C1orf87: variants seen among roughly 807,000 people sequenced by gnomAD.
The protein encoded by C1orf87 is chromosome 1 open reading frame 87.
C1orf87 carries 58 observed loss-of-function variants against 60.5 expected under a neutral mutation model. The observed-to-expected ratio is 0.96, with a 90% CI of 0.78 to 1.19. C1orf87 has a LOEUF of 1.19. Among genes scored for constraint, C1orf87 ranks in the 50% most tolerant of loss-of-function variants. The pLI is 0.00. For missense variants in C1orf87, 673 were observed against 638.6 expected, an observed-to-expected ratio of 1.05 and a Z score of -0.58; for synonymous variants, 236 against 227.4, an observed-to-expected ratio of 1.04 and a Z score of -0.34.
chr1:60,059,794 G>A lies in C1orf87; in HGVS notation c.108-4356C>T, dbSNP rs78024699. ...CTCAATGCCACCAATTTCCAACTGT[G>A]CGCCATCTAACAGGCCCTAAACCCT... is the stretch of plus-strand genomic sequence containing the variant. On this transcript the variant is annotated intron_variant, in intron 2 of 11. Transcript: ENST00000371201. 3.5e-4 allele frequency among the ~76,000 whole-genome samples: 54 copies of A among 152,274 alleles called. 3 individuals carry two copies. The East Asian group carries it at 0.01, about 28-fold the overall frequency.
At chr1:60,011,090 A>T (rs1414772230) in intron 8 of C1orf87, 1 of 151,984 alleles carries the variant, frequency 6.6e-6, no homozygotes, top group East Asian at 1.9e-4. Flanking sequence ...AAAAACATAG[A>T]AGGGGATAAA....
At chr1:60,010,632 T>C (rs528713614) in intron 8 of C1orf87, among the ~76,000 whole-genome samples, 176 bp from the exon 9 acceptor site, 1 of 152,080 alleles carries the variant, frequency 6.6e-6, no homozygotes, top group South Asian at 2.1e-4. Context: ...AAAAGGGCTT[T>C]GATATAGGGA....
intron 4 of C1orf87, among the ~76,000 whole-genome samples, chr1:60,040,755 ATTTTTTTT>A (rs34709077): frequency 2.3e-5 from 3 of 132,124 alleles, no homozygotes; most frequent in Non-Finnish European, 4.8e-5. Flanking sequence ...ACTGTCTTTA[ATTTTTTTT>A]TTTTTTTTTT....
intron 11 of C1orf87, among the ~76,000 whole-genome samples, chr1:59,995,580 A>G (rs906065504): frequency 6.6e-6 from 1 of 152,192 alleles, no homozygotes; most frequent in Non-Finnish European, 1.5e-5. Flanking sequence ...CAAACTCGGG[A>G]TGACCTGTCC....
rs554278264 is a variant in C1orf87, at chr1:60,033,799, C to G, written c.864-158G>C. ...TCTTGGGAACCTGGTCATGAGGCCG[C>G]ATGCAGACATTTCATAGCTTAACTC... On this transcript the variant is annotated intron_variant, in intron 6 of 11. Transcript: ENST00000371201. 4.6e-5 allele frequency among the ~76,000 whole-genome samples: 7 copies of G among 152,292 alleles called. 1 individual carries two copies. In the South Asian group the frequency reaches 8.3e-4, roughly 18 times the overall value.
Position 60,050,101 on chromosome 1 carries a change from T to A in C1orf87, c.342+5103A>T, listed in dbSNP as rs144510387. 1.2e-3 allele frequency among the ~76,000 whole-genome samples: 185 copies of A among 152,256 alleles called. 1 individual carries two copies. The highest frequency in any genetic ancestry group is 1.4e-3 in the Non-Finnish European group (96 of 67,950). On this transcript the variant is annotated intron_variant, in intron 3 of 11. Transcript: ENST00000371201. ...TTTCTTGACTATTCATGCTTGTTTG[T>A]TATTCCAAATTAACTTGCTAATCAA...
chr1:60,051,626 C>T (rs1645414864), intron 3 of C1orf87, among the ~76,000 whole-genome samples: 3 of 152,176 alleles, frequency 2.0e-5, no homozygotes, highest in Middle Eastern at 6.8e-3. Context: ...TGTTATAAAC[C>T]ACTGAGTTGT....
rs781327442 is a variant in C1orf87 at position 60,040,941 on chromosome 1, C to G, written c.483+50G>C. The stretch of plus-strand genomic sequence containing the variant: ...CCACATCAAGAAATTGAGTCAACAA[C>G]ACTCCTTCATCTACAATAGACACAA... On this transcript the variant is annotated intron_variant, in intron 4 of 11. Coordinates refer to ENST00000371201, the MANE Select transcript of C1orf87 (RefSeq NM_152377.3). 1.3e-5 allele frequency: 19 copies of G among 1,511,416 alleles called. No individual in the cohort carries two copies. The South Asian group carries it at 2.5e-4, about 20-fold the overall frequency. The allele number at this position is 1,511,416 out of a possible 1,614,324, so 93.6% of individuals were successfully genotyped here. A position where few individuals can be genotyped will look rare whatever the true frequency, so the allele number is the denominator to read the frequency against.
At chr1:60,044,011 G>A (rs376406939) in intron 3 of C1orf87, among the ~76,000 whole-genome samples, 57 of 152,250 alleles carry the variant, frequency 3.7e-4, no homozygotes, top group African/African-American at 1.3e-3. Context: ...ATCACAGGCT[G>A]AGTCTTTTTG....
In C1orf87 at chr1:59,998,994, A is replaced by G. The variant is rs760885964; in HGVS notation, c.1273-1178T>C. Among the ~76,000 whole-genome samples, 6 of 152,154 alleles carry G rather than the reference A, an allele frequency of 3.9e-5. 1 individual carries two copies. Among genetic ancestry groups the G allele is most frequent in the Non-Finnish European group, 8.8e-5 (6 of 68,028 alleles). On this transcript the variant is annotated intron_variant, in intron 10 of 11. Coordinates refer to ENST00000371201, the MANE Select transcript of C1orf87 (RefSeq NM_152377.3). ...AAATCTAAATATTCCTAATTAATTC[A>G]CCATAAAATTATGCCTCTAACTTTT...
intron 8 of C1orf87, 90 bp from the exon 9 acceptor site, chr1:60,010,546 T>C (rs1457988226): frequency 5.4e-6 from 6 of 1,107,566 alleles, no homozygotes; most frequent in South Asian, 1.3e-5. Context: ...GGTAGTGATA[T>C]TGAATAAGCT....
chr1:60,048,126 G>A (rs555170825), intron 3 of C1orf87, among the ~76,000 whole-genome samples: 2 of 152,240 alleles, frequency 1.3e-5, no homozygotes, highest in East Asian at 3.9e-4. Context: ...CGTCACTTCT[G>A]AGATTAGGTT....
rs536650110 is a variant in C1orf87, at chr1:60,051,695, C to G, written c.342+3509G>C. On this transcript the variant is annotated intron_variant, in intron 3 of 11. Coordinates refer to ENST00000371201, the MANE Select transcript of C1orf87 (RefSeq NM_152377.3). The stretch of plus-strand genomic sequence containing the variant: ...ATAGCTGACCAATACAGAGAGAGAG[C>G]TTTAAAGTCAGAAAAGTCAGTTTGA... 2.0e-5 allele frequency among the ~76,000 whole-genome samples: 3 copies of G among 152,228 alleles called. No homozygotes were observed. In the South Asian group the frequency reaches 6.2e-4, roughly 32 times the overall value.
At chr1:60,013,104 T>A (rs1354729615) in intron 8 of C1orf87, among the ~76,000 whole-genome samples, 1 of 152,176 alleles carries the variant, frequency 6.6e-6, no homozygotes, top group East Asian at 1.9e-4. Context: ...TTTGTTGGAA[T>A]GATGTGAATA....
At chr1:60,030,746 T>C (rs887929717) in intron 7 of C1orf87, among the ~76,000 whole-genome samples, 50 of 152,246 alleles carry the variant, frequency 3.3e-4, no homozygotes, top group Admixed American at 2.6e-4. Context: ...GGGAAGTTAA[T>C]AAATCAATGA....
intron 2 of C1orf87, among the ~76,000 whole-genome samples, chr1:60,070,200 A>G (rs1321095580): frequency 1.3e-5 from 2 of 152,174 alleles, no homozygotes; most frequent in Non-Finnish European, 2.9e-5. Context: ...GGCTGCATCT[A>G]AAAGGCTACC....
At chr1:59,999,611 G>T (rs75429604) in intron 10 of C1orf87, among the ~76,000 whole-genome samples, 1 of 152,114 alleles carries the variant, frequency 6.6e-6, no homozygotes, top group African/African-American at 2.4e-5. Context: ...TCAGACTTAA[G>T]CAAGTAACTA....
At chr1:60,042,777 G>C (rs914621096) in intron 3 of C1orf87, among the ~76,000 whole-genome samples, 1 of 152,268 alleles carries the variant, frequency 6.6e-6, no homozygotes, top group East Asian at 1.9e-4. Context: ...TCTAGTTTGG[G>C]CCAGGCACTG....
intron 11 of C1orf87, among the ~76,000 whole-genome samples, chr1:59,994,554 C>T (rs1644949953): frequency 6.6e-6 from 1 of 152,196 alleles, no homozygotes; most frequent in African/African-American, 2.4e-5. Flanking sequence ...CTCTAAAACA[C>T]TTTCTATTTA....
Sources: allele counts gnomAD v4.1 joint callset (sites outside exome capture counted in the v4.1 genomes callset), GRCh38; gene constraint gnomAD v4.1.1; transcripts MANE v1.5; gene names NCBI Gene and HGNC (gene_info 2026-07-23, HGNC 2026-07-21).